The following GALNT13 variants were observed in gnomAD, a reference collection of about 807,000 sequenced individuals.
The protein encoded by GALNT13 is UDP-GalNAc:polypeptide N-acetylgalactosaminyltransferase 13.
GALNT13 carries 28 observed loss-of-function variants against 64.2 expected under a neutral mutation model. The ratio of observed to expected loss-of-function variants is 0.44; its 90% CI spans 0.32 to 0.60. The LOEUF (loss-of-function observed/expected upper bound fraction) is 0.60, where lower values mean the gene tolerates loss of function less well. Ranked by LOEUF, GALNT13 falls within the 20% of genes least tolerant of loss-of-function variation. GALNT13 has a pLI of 0.05. For synonymous variants in GALNT13, 214 were observed against 224.6 expected, an observed-to-expected ratio of 0.95 and a Z score of 0.42; for missense variants, 577 against 669.8, an observed-to-expected ratio of 0.86 and a Z score of 1.53.
the GALNT13 span, among the ~76,000 whole-genome samples, chr2:153,309,601 C>G: frequency 6.6e-6 from 1 of 151,802 alleles, no homozygotes; most frequent in Non-Finnish European, 1.5e-5. Flanking sequence ...TTTGTCAACA[C>G]TTTCTTTTCT....
At chr2:153,994,469 C>A (rs1013128565) in intron 3 of GALNT13, among the ~76,000 whole-genome samples, 1 of 152,154 alleles carries the variant, frequency 6.6e-6, no homozygotes, top group South Asian at 2.1e-4. Context: ...ATTTCTTGTT[C>A]TAGATCCTTG....
At chr2:153,131,360 T>A in the GALNT13 span, among the ~76,000 whole-genome samples, 1 of 152,258 alleles carries the variant, frequency 6.6e-6, no homozygotes, top group Admixed American at 6.5e-5. Context: ...AACAAGCATT[T>A]GGATTATGAG....
chr2:153,786,029 TG>T, the GALNT13 span, among the ~76,000 whole-genome samples: 8 of 151,610 alleles, frequency 5.3e-5, no homozygotes, highest in East Asian at 1.6e-3. Flanking sequence ...TCCACCTCAC[TG>T]GCTGAACACT....
the GALNT13 span, among the ~76,000 whole-genome samples, chr2:153,471,262 C>T: frequency 6.6e-6 from 1 of 152,144 alleles, no homozygotes; most frequent in African/African-American, 2.4e-5. Context: ...TTGCACCAAA[C>T]TTCCAAGGTC....
the GALNT13 span, among the ~76,000 whole-genome samples, chr2:153,225,512 G>T: frequency 3.3e-5 from 5 of 151,982 alleles, no homozygotes; most frequent in African/African-American, 1.2e-4. Flanking sequence ...ACAAGAAAAA[G>T]AAATAAAAGA....
At chr2:153,708,002 T>C in the GALNT13 span, among the ~76,000 whole-genome samples, 76 of 152,236 alleles carry the variant, frequency 5.0e-4, no homozygotes, top group South Asian at 1.2e-3. Flanking sequence ...ATAAATTCTT[T>C]GGAACAATGA....
the GALNT13 span, among the ~76,000 whole-genome samples, chr2:153,595,569 G>C: frequency 6.6e-6 from 1 of 151,612 alleles, no homozygotes; most frequent in Admixed American, 6.6e-5. Context: ...AGAATGAATG[G>C]AAATTTTCCT....
At chr2:153,269,081 A>T in the GALNT13 span, among the ~76,000 whole-genome samples, 1 of 152,206 alleles carries the variant, frequency 6.6e-6, no homozygotes, top group Non-Finnish European at 1.5e-5. Context: ...ACTTATGCAA[A>T]TTTCTACAGC....
At chr2:154,192,401 G>T (rs1686643404) in intron 4 of GALNT13, among the ~76,000 whole-genome samples, 1 of 152,080 alleles carries the variant, frequency 6.6e-6, no homozygotes, top group Admixed American at 6.5e-5. Flanking sequence ...CCCTACCCAG[G>T]GACCCGCCCT....
In GALNT13 at chr2:154,242,057, A is replaced by G. The variant is rs1163370500; in HGVS notation, c.339A>G (p.Glu113=). The part of the protein sequence containing the change: ...EGCKTKVYPD[E]LPNTSVVIVF... ...GTAAGACAAAAGTCTACCCTGATGAACTTCCAAACACAAGTGTAGTCATTG... is the reference window on the plus strand; with the variant it reads ...GTAAGACAAAAGTCTACCCTGATGAGCTTCCAAACACAAGTGTAGTCATTG... Residue 113 remains glutamate, a synonymous_variant, in exon 5 of 13, where the codon GAA becomes GAG. Coordinates refer to ENST00000392825, the MANE Select transcript of GALNT13 (RefSeq NM_052917.4). 1 of 1,606,984 alleles carries G rather than the reference A, an allele frequency of 6.2e-7. No individual in the cohort carries two copies. Among genetic ancestry groups the G allele is most frequent in the Non-Finnish European group, 8.5e-7 (1 of 1,177,048 alleles).
At chr2:153,731,738 A>G in the GALNT13 span, among the ~76,000 whole-genome samples, 3 of 151,986 alleles carry the variant, frequency 2.0e-5, no homozygotes, top group Non-Finnish European at 4.4e-5. Flanking sequence ...GAAATATTTT[A>G]TATTTGCCAA....
At chr2:153,603,440 G>C in the GALNT13 span, among the ~76,000 whole-genome samples, 1 of 151,882 alleles carries the variant, frequency 6.6e-6, no homozygotes, top group Non-Finnish European at 1.5e-5. Context: ...ATACCCAGAT[G>C]TTACCATATA....
chr2:153,586,282 A>C, the GALNT13 span, among the ~76,000 whole-genome samples: 1 of 152,216 alleles, frequency 6.6e-6, no homozygotes, highest in Non-Finnish European at 1.5e-5. Flanking sequence ...CCATGATCCA[A>C]ATATATGCAG....
At chr2:153,251,614 TC>T in the GALNT13 span, among the ~76,000 whole-genome samples, 2 of 77,000 alleles carry the variant, frequency 2.6e-5, no homozygotes, top group Non-Finnish European at 4.8e-5. Context: ...ATGCCATCCC[TC>T]CCCCCTCCCC....
At chr2:153,372,751 A>T in the GALNT13 span, among the ~76,000 whole-genome samples, 5 of 152,048 alleles carry the variant, frequency 3.3e-5, no homozygotes, top group Non-Finnish European at 7.4e-5. Flanking sequence ...TTCATCCTTC[A>T]TCTCCTTTGG....
chr2:153,630,115 A>G, the GALNT13 span, among the ~76,000 whole-genome samples: 1 of 150,818 alleles, frequency 6.6e-6, no homozygotes, highest in Non-Finnish European at 1.5e-5. Flanking sequence ...CTAGAACTAG[A>G]AATACCATTT....
chr2:153,105,186 G>C, the GALNT13 span, among the ~76,000 whole-genome samples: 3 of 151,408 alleles, frequency 2.0e-5, no homozygotes, highest in Non-Finnish European at 4.4e-5. Context: ...GATCAAGTGG[G>C]CTTCATCCCT....
the GALNT13 span, among the ~76,000 whole-genome samples, chr2:153,468,518 T>G: frequency 3.9e-5 from 6 of 152,256 alleles, no homozygotes; most frequent in African/African-American, 1.4e-4. Flanking sequence ...TAAACGAATC[T>G]TTCATCACAT....
At chr2:154,398,805 T>C (rs986930669) in intron 10 of GALNT13, among the ~76,000 whole-genome samples, 1 of 152,188 alleles carries the variant, frequency 6.6e-6, no homozygotes, top group Admixed American at 6.5e-5. Flanking sequence ...GCAAGAATAG[T>C]AGCCTACCAG....
Sources: allele counts gnomAD v4.1 joint callset (sites outside exome capture counted in the v4.1 genomes callset), GRCh38; gene constraint gnomAD v4.1.1; transcripts MANE v1.5; gene names NCBI Gene and HGNC (gene_info 2026-07-23, HGNC 2026-07-21).